PLA2G15: variants seen among roughly 807,000 people sequenced by gnomAD.
PLA2G15 encodes the protein lysosomal phospholipase A and acyltransferase.
Under a neutral mutation model 40.9 loss-of-function variants are expected in PLA2G15, and 20 were observed. That is an observed-to-expected ratio of 0.49 (90% CI 0.34 to 0.71). PLA2G15 has a LOEUF of 0.71. Among genes scored for constraint, PLA2G15 ranks in the 30% least tolerant of loss-of-function variants. PLA2G15 has a pLI of 0.01. For missense variants in PLA2G15, 471 were observed against 541.9 expected (o/e 0.87, Z 1.30); for synonymous variants, 223 against 228.2 (o/e 0.98, Z 0.21).
intron 5 of PLA2G15, among the ~76,000 whole-genome samples, chr16:68,257,338 T>A (rs1192190727): frequency 6.6e-6 from 1 of 152,190 alleles, no homozygotes; most frequent in African/African-American, 2.4e-5. Flanking sequence ...AGACTACAGT[T>A]TTTTATTTAT....
intron 5 of PLA2G15, among the ~76,000 whole-genome samples, chr16:68,258,678 G>C (rs1445870814): frequency 6.6e-6 from 1 of 152,104 alleles, no homozygotes; most frequent in Non-Finnish European, 1.5e-5. Context: ...AGCTATGCAG[G>C]AGGCTGACAT....
Position 68,259,282 on chromosome 16 carries a change from C to A in PLA2G15, c.864C>A (p.Ile288=). 6.2e-7 allele frequency: 1 copy of A among 1,614,062 alleles called. No individual in the cohort carries two copies. The highest frequency in any genetic ancestry group is 8.5e-7 in the Non-Finnish European group (1 of 1,180,056). Residue 288 remains isoleucine, a synonymous_variant, in exon 6 of 6, where the codon ATC becomes ATA. Coordinates refer to ENST00000219345, the MANE Select transcript of PLA2G15 (RefSeq NM_012320.4). The surrounding 1 kb of genome is among the most constrained non-coding windows in gnomAD (Gnocchi z 6.5). ...AGGTGTTCGTGCAGACACCCACAAT[C>A]AACTACACACTGCGGGACTACCGCA... ...PEKVFVQTPT[I]NYTLRDYRKF... is the part of the protein sequence containing the mutation.
chr16:68,255,212 C>T lies in PLA2G15; in HGVS notation c.404-70C>T, dbSNP rs1299188939. Reference sequence around the variant, plus strand: ...AGGACCTGCTAGCTGTCACAGTCTCCATGCTGGGCATAGTGTAGGTGGCCG... The same window carrying T: ...AGGACCTGCTAGCTGTCACAGTCTCTATGCTGGGCATAGTGTAGGTGGCCG... On this transcript the variant is annotated intron_variant, in intron 3 of 5. Coordinates refer to ENST00000219345, the MANE Select transcript of PLA2G15 (RefSeq NM_012320.4). The surrounding 1 kb of genome is among the most constrained non-coding windows in gnomAD (Gnocchi z 5.9). 9 of 1,178,012 alleles carry T rather than the reference C, an allele frequency of 7.6e-6. No homozygotes were observed. The highest frequency in any genetic ancestry group is 1.1e-5 in the Non-Finnish European group (9 of 788,634). 73.0% of individuals were successfully genotyped at this position (1,178,012 alleles called of 1,614,324 possible). A position where few individuals can be genotyped will look rare whatever the true frequency, so the allele number is the denominator to read the frequency against.
In PLA2G15 at chr16:68,255,745, C is replaced by G; in HGVS notation, c.503-21C>G. 1.9e-6 allele frequency: 3 copies of G among 1,608,274 alleles called. No homozygotes were observed. The African/African-American group carries it at 4.0e-5, about 21-fold the overall frequency. ...CTCCAGGACCCTTCCCACCTGACCCCTGCCTGGCTCTGGCCTGCAGATGAA... is the reference window on the plus strand; with the variant it reads ...CTCCAGGACCCTTCCCACCTGACCCGTGCCTGGCTCTGGCCTGCAGATGAA... On this transcript the variant is annotated intron_variant, in intron 4 of 5. Coordinates refer to ENST00000219345, the MANE Select transcript of PLA2G15 (RefSeq NM_012320.4). The surrounding 1 kb of genome is among the most constrained non-coding windows in gnomAD (Gnocchi z 5.9).
chr16:68,255,634 G>C lies in PLA2G15; in HGVS notation c.503-132G>C. The C allele has an allele frequency of 1.3e-6, 1 of 742,426 alleles. No individual in the cohort carries two copies. The highest frequency in any genetic ancestry group is 2.3e-6 in the Non-Finnish European group (1 of 436,860). 46.0% of individuals were successfully genotyped at this position (742,426 alleles called of 1,614,324 possible). A position where few individuals can be genotyped will look rare whatever the true frequency, so the allele number is the denominator to read the frequency against. ...TTCCTCCCTTCATGGAAGGCGGGGG[G>C]ACCCAGACCGCTCTGTTTGAATGTG... On this transcript the variant is annotated intron_variant, in intron 4 of 5. Transcript: ENST00000219345. This position sits in a 1 kb window ranked among gnomAD's most constrained non-coding sequence, Gnocchi z 5.9.
chr16:68,247,492 C>T (rs879671472), intron 1 of PLA2G15, among the ~76,000 whole-genome samples: 6 of 152,172 alleles, frequency 3.9e-5, no homozygotes, highest in Non-Finnish European at 8.8e-5. Flanking sequence ...TTTTTAGGGG[C>T]CACACAGCCT....
At chr16:68,249,491 G>A in intron 2 of PLA2G15, 45 bp downstream of exon 2, 2 of 1,558,042 alleles carry the variant, frequency 1.3e-6, no homozygotes, top group South Asian at 1.1e-5. Context: ...CACCAACAGT[G>A]CCTGAGAGGC....
chr16:68,255,002 C>A lies in PLA2G15; in HGVS notation c.368C>A (p.Ser123Ter), dbSNP rs752694080. 6 of 1,613,724 alleles carry A rather than the reference C, an allele frequency of 3.7e-6. No homozygotes were observed. Among genetic ancestry groups the A allele is most frequent in the Non-Finnish European group, 5.1e-6 (6 of 1,179,686 alleles). ...VRVPGFGKTF[S>*]LEFLDPSKSS... ...GTCCCTGGCTTTGGGAAGACCTTCT[C>A]ACTGGAGTTCCTGGACCCCAGCAAA... Residue 123 changes from serine (S) to a stop codon, truncating the protein, a stop_gained, in exon 3 of 6, where the codon TCA (serine) becomes TAA (stop). Transcript: ENST00000219345. LOFTEE classifies it high-confidence loss of function. This position sits in a 1 kb window ranked among gnomAD's most constrained non-coding sequence, Gnocchi z 5.9.
chr16:68,252,108 C>A (rs2042359810), intron 2 of PLA2G15, among the ~76,000 whole-genome samples: 1 of 152,220 alleles, frequency 6.6e-6, no homozygotes, highest in African/African-American at 2.4e-5. Flanking sequence ...GCTTCTCTGA[C>A]CCGTTTAGAT....
At chr16:68,246,568 C>G (rs2042311081) in intron 1 of PLA2G15, among the ~76,000 whole-genome samples, 1 of 152,158 alleles carries the variant, frequency 6.6e-6, no homozygotes. Context: ...AGTTCCCAGC[C>G]AGGAAAAGCT....
Position 68,255,238 on chromosome 16 carries a change from G to A in PLA2G15, c.404-44G>A. 7.0e-7 allele frequency: 1 copy of A among 1,421,878 alleles called. No individual in the cohort carries two copies. The highest frequency in any genetic ancestry group is 9.9e-7 in the Non-Finnish European group (1 of 1,007,620). The allele number at this position is 1,421,878 out of a possible 1,614,324, so 88.1% of individuals were successfully genotyped here. A position where few individuals can be genotyped will look rare whatever the true frequency, so the allele number is the denominator to read the frequency against. The stretch of plus-strand genomic sequence containing the variant: ...ATGCTGGGCATAGTGTAGGTGGCCG[G>A]CACTAGCTGTATCTTTTCTTATCCT... On this transcript the variant is annotated intron_variant, in intron 3 of 5. Coordinates refer to ENST00000219345, the MANE Select transcript of PLA2G15 (RefSeq NM_012320.4). The surrounding 1 kb of genome is among the most constrained non-coding windows in gnomAD (Gnocchi z 5.9).
chr16:68,252,506 G>T (rs1472944211), intron 2 of PLA2G15: 3 of 455,750 alleles, frequency 6.6e-6, no homozygotes, highest in African/African-American at 4.0e-5. Flanking sequence ...ATTTCTTCAG[G>T]CCTTGACAAC....
chr16:68,247,810 G>A (rs1057321513), intron 1 of PLA2G15, among the ~76,000 whole-genome samples: 4 of 152,224 alleles, frequency 2.6e-5, no homozygotes, highest in African/African-American at 9.6e-5. Context: ...GCCAAGTGCT[G>A]GTTTTTCACT....
rs534996821 is a variant in PLA2G15, at chr16:68,257,048, T to G, written c.727+1058T>G. 2.2e-4 allele frequency among the ~76,000 whole-genome samples: 34 copies of G among 151,812 alleles called. 1 individual carries two copies. The South Asian group carries it at 6.9e-3, about 31-fold the overall frequency. On this transcript the variant is annotated intron_variant, in intron 5 of 5. Coordinates refer to ENST00000219345, the MANE Select transcript of PLA2G15 (RefSeq NM_012320.4). ...GGCGCGTACCACCACACCCGGCTAA[T>G]TTTTGTATTTTTAGTAGAGACTGGG...
At chr16:68,249,167 G>A in intron 1 of PLA2G15, 123 bp from the exon 2 acceptor site, 1 of 725,988 alleles carries the variant, frequency 1.4e-6, no homozygotes, top group Non-Finnish European at 2.3e-6. Context: ...TTTGAGATGT[G>A]GAACTGCACA....
At chr16:68,250,222 C>G (rs182849712) in intron 2 of PLA2G15, 1 of 257,192 alleles carries the variant, frequency 3.9e-6, no homozygotes, top group Non-Finnish European at 7.5e-6. Flanking sequence ...CTCTTATTGC[C>G]CAGGCTGGAG....
At position 68,255,977 on chromosome 16, in the gene PLA2G15, C is replaced by G. The variant is rs144608241; in HGVS notation, c.714C>G (p.Arg238=). The G allele has an allele frequency of 6.2e-7, 1 of 1,602,976 alleles. No homozygotes were observed. The change falls in exon 5 of 6, where the codon CGC becomes CGG. Residue 238 remains arginine (R), a synonymous_variant. Coordinates refer to ENST00000219345, the MANE Select transcript of PLA2G15 (RefSeq NM_012320.4). The surrounding 1 kb of genome is among the most constrained non-coding windows in gnomAD (Gnocchi z 5.9). ...GGGGGGGCGTGGCCAAGACCCTGCGCGTCCTGGCTTCAGGTAAGACCCTAC... is the reference window on the plus strand; with the variant it reads ...GGGGGGGCGTGGCCAAGACCCTGCGGGTCCTGGCTTCAGGTAAGACCCTAC... ...APWGGVAKTL[R]VLASGDNNRI... is the part of the protein sequence containing the mutation.
At chr16:68,246,618 G>A (rs2042311435) in intron 1 of PLA2G15, among the ~76,000 whole-genome samples, 1 of 152,184 alleles carries the variant, frequency 6.6e-6, no homozygotes, top group Admixed American at 6.5e-5. Flanking sequence ...TGGGATTTGG[G>A]CAGACTTGGC....
Position 68,259,443 on chromosome 16 carries a change from T to A in PLA2G15, c.1025T>A (p.Phe342Tyr), listed in dbSNP as rs1297614109. ...YGTGVPTPDS[F>Y]YYESFPDRDP... ...ACTGGCGTCCCCACACCAGACTCCT[T>A]CTACTATGAGAGCTTCCCTGACCGT... The change falls in exon 6 of 6, where the codon TTC (phenylalanine) becomes TAC (tyrosine). Residue 342 changes from phenylalanine (F) to tyrosine (Y), a missense_variant. Transcript: ENST00000219345. This position sits in a 1 kb window ranked among gnomAD's most constrained non-coding sequence, Gnocchi z 6.5. 12 of 1,613,878 alleles carry A rather than the reference T, an allele frequency of 7.4e-6. No homozygotes were observed. The highest frequency in any genetic ancestry group is 9.3e-6 in the Non-Finnish European group (11 of 1,179,960).
Sources: allele counts gnomAD v4.1 joint callset (sites outside exome capture counted in the v4.1 genomes callset), GRCh38; gene constraint gnomAD v4.1.1; non-coding constraint Gnocchi (gnomAD v3.1); transcripts MANE v1.5; gene names NCBI Gene and HGNC (gene_info 2026-07-23, HGNC 2026-07-21).